The following SH2B2 variants were observed in gnomAD, a reference collection of about 807,000 sequenced individuals.
SH2B2 encodes SH2B adaptor protein 2, also known as SH2B adapter protein 2.
SH2B2 carries 37 observed loss-of-function variants against 35.7 expected under a neutral mutation model. The ratio of observed to expected loss-of-function variants is 1.04; its 90% CI spans 0.80 to 1.36. SH2B2 has a LOEUF of 1.36. Among genes scored for constraint, SH2B2 ranks in the 40% most tolerant of loss-of-function variants. SH2B2 has a pLI of 0.00. For missense variants in SH2B2, 852 were observed against 817.7 expected (o/e 1.04, Z -0.51); for synonymous variants, 383 against 376.4 (o/e 1.02, Z -0.20).
upstream of SH2B2, among the ~76,000 whole-genome samples, chr7:102,285,637 A>G (rs1435898394): frequency 1.3e-5 from 2 of 152,182 alleles, no homozygotes; most frequent in Non-Finnish European, 2.9e-5. Context: ...TTCCATCCCT[A>G]AGAAGGGTTT....
intron 2 of SH2B2, among the ~76,000 whole-genome samples, chr7:102,303,454 C>T (rs1484058279): frequency 3.3e-5 from 5 of 152,286 alleles, no homozygotes; most frequent in African/African-American, 9.6e-5. Flanking sequence ...TTGGCTCTCT[C>T]TCCATCTCTC....
Position 102,320,477 on chromosome 7 carries a change from T to C in SH2B2, c.1542T>C (p.Tyr514=), listed in dbSNP as rs781821533. Residue 514 remains tyrosine, a synonymous_variant, in exon 8 of 9, where the codon TAT becomes TAC. Transcript: ENST00000444095. ...CGGCCGACATCACCCTTCGCAGCTATGTGCGGGCCCAGGACCCCCCACCAG... is the reference window on the plus strand; with the variant it reads ...CGGCCGACATCACCCTTCGCAGCTACGTGCGGGCCCAGGACCCCCCACCAG... ...GGSADITLRS[Y]VRAQDPPPEP... 25 of 1,613,672 alleles carry C rather than the reference T, an allele frequency of 1.5e-5. 1 individual carries two copies. The South Asian group carries it at 2.7e-4, about 18-fold the overall frequency.
intron 6 of SH2B2, among the ~76,000 whole-genome samples, chr7:102,316,784 C>T (rs1017494073): frequency 6.6e-6 from 1 of 151,950 alleles, no homozygotes; most frequent in East Asian, 1.9e-4. Flanking sequence ...TTTGGGAGGC[C>T]GAGGTGGGTG....
chr7:102,298,514 C>T (rs1463681081), intron 1 of SH2B2, among the ~76,000 whole-genome samples: 1 of 152,146 alleles, frequency 6.6e-6, no homozygotes, highest in Admixed American at 6.6e-5. Context: ...GTAGCCTCAA[C>T]CTCCCAGGCT....
chr7:102,313,302 G>T (rs1208589159), intron 4 of SH2B2, among the ~76,000 whole-genome samples: 2 of 150,942 alleles, frequency 1.3e-5, no homozygotes, highest in Non-Finnish European at 2.9e-5. Flanking sequence ...AAAAAAATTA[G>T]CTGGGCATGG....
At chr7:102,309,506 G>A (rs781894646) in intron 4 of SH2B2, 8 of 318,384 alleles carry the variant, frequency 2.5e-5, no homozygotes, top group South Asian at 1.2e-4. Context: ...GATTACAGGC[G>A]CCTACCACCA....
In SH2B2 at chr7:102,300,610, C is replaced by A. The variant is rs1554553409; in HGVS notation, c.60C>A (p.Val20=). The A allele has an allele frequency of 1.9e-6, 3 of 1,551,056 alleles. No individual in the cohort carries two copies. Among genetic ancestry groups the A allele is most frequent in the South Asian group, 2.4e-5 (2 of 84,326 alleles). ...AAAPVPVPVP[V]PDWRQFCELH... is the part of the protein sequence containing the mutation. ...CCCCGGTCCCAGTCCCGGTCCCGGT[C>A]CCGGACTGGCGGCAGTTCTGCGAGC... The change falls in exon 2 of 9, where the codon GTC becomes GTA. Residue 20 remains valine (V), a synonymous_variant. Transcript: ENST00000444095.
Position 102,300,505 on chromosome 7 carries a change from G to A in SH2B2, c.-29-17G>A. On this transcript the variant is annotated splice_polypyrimidine_tract_variant and intron_variant, in intron 1 of 8. Transcript: ENST00000444095. ...ATCACAGGCCTGAAAGTCACTGCGC[G>A]CTCTTCTCGCCCGAAGCCGCAGGTG... 1.3e-6 allele frequency: 2 copies of A among 1,518,368 alleles called. No homozygotes were observed. The highest frequency in any genetic ancestry group is 1.8e-6 in the Non-Finnish European group (2 of 1,136,912). The allele number at this position is 1,518,368 out of a possible 1,614,324, so 94.1% of individuals were successfully genotyped here. A position where few individuals can be genotyped will look rare whatever the true frequency, so the allele number is the denominator to read the frequency against.
intron 1 of SH2B2, among the ~76,000 whole-genome samples, chr7:102,294,414 AACCTTGGCAGC>A (rs1327288067): frequency 3.3e-5 from 5 of 152,088 alleles, no homozygotes; most frequent in Non-Finnish European, 7.4e-5. Context: ...TTGAAACACC[AACCTTGGCAGC>A]ACCAAGGTTG....
At chr7:102,289,860 A>G (rs1225813617) in intron 1 of SH2B2, among the ~76,000 whole-genome samples, 1 of 152,024 alleles carries the variant, frequency 6.6e-6, no homozygotes, top group Non-Finnish European at 1.5e-5. Flanking sequence ...AACCCCAGAA[A>G]GGCAGGGTGG....
chr7:102,321,406 T>C lies in SH2B2; in HGVS notation c.1675T>C (p.Ser559Pro), dbSNP rs1794073737. The C allele has an allele frequency of 1.5e-6, 2 of 1,360,728 alleles. No individual in the cohort carries two copies. The highest frequency in any genetic ancestry group is 3.3e-5 in the East Asian group (1 of 30,260). 84.3% of individuals were successfully genotyped at this position (1,360,728 alleles called of 1,614,324 possible). Residue 559 changes from serine (S) to proline (P), a missense_variant, in exon 9 of 9, where the codon TCG becomes CCG. This residue lies in a region of SH2B2 where 556 missense variants were observed against 514.5 expected (regional missense o/e 1.08). Coordinates refer to ENST00000444095, the MANE Select transcript of SH2B2 (RefSeq NM_001359228.2). ...CGCCGCGGCCGCCTGCCCGCCTGCC[T>C]CGCCCTCCGACGCCGCCGGCGCCTC... ...SLAAAACPPA[S>P]PSDAAGASSS...
Position 102,301,318 on chromosome 7 carries a change from A to G in SH2B2, c.729+39A>G, listed in dbSNP as rs375057269. ...TAATCCCACCTAGCCTGGGGGGACC[A>G]GAGGAGGCACCTGGGCAGCAGCTGA... On this transcript the variant is annotated intron_variant, in intron 2 of 8. Coordinates refer to ENST00000444095, the MANE Select transcript of SH2B2 (RefSeq NM_001359228.2). The G allele has an allele frequency of 6.9e-5, 109 of 1,569,612 alleles. 1 individual carries two copies. The South Asian group carries it at 1.1e-3, about 16-fold the overall frequency.
chr7:102,307,246 A>G (rs1230704583), intron 3 of SH2B2, among the ~76,000 whole-genome samples: 1 of 152,130 alleles, frequency 6.6e-6, no homozygotes, highest in Non-Finnish European at 1.5e-5. Context: ...AAAGGCATCA[A>G]GGGGGGGCGG....
Position 102,321,410 on chromosome 7 carries a change from C to T in SH2B2, c.1679C>T (p.Pro560Leu), listed in dbSNP as rs1386247632. The T allele has an allele frequency of 2.7e-5, 36 of 1,347,304 alleles. No individual in the cohort carries two copies. The East Asian group carries it at 1.1e-3, about 43-fold the overall frequency. 83.5% of individuals were successfully genotyped at this position (1,347,304 alleles called of 1,614,324 possible). ...LAAAACPPASPSDAAGASSSS... is the reference protein window; with the variant it reads ...LAAAACPPASLSDAAGASSSS... ...GCGGCCGCCTGCCCGCCTGCCTCGCCCTCCGACGCCGCCGGCGCCTCCTCG... is the reference window on the plus strand; with the variant it reads ...GCGGCCGCCTGCCCGCCTGCCTCGCTCTCCGACGCCGCCGGCGCCTCCTCG... The change falls in exon 9 of 9, where the codon CCC becomes CTC. Residue 560 changes from proline (P) to leucine (L), a missense_variant. By Grantham distance (98) the Pro-to-Leu change is moderately conservative. Coordinates refer to ENST00000444095, the MANE Select transcript of SH2B2 (RefSeq NM_001359228.2).
chr7:102,300,982 G>A lies in SH2B2; in HGVS notation c.432G>A (p.Val144=), dbSNP rs1554553676. The A allele has an allele frequency of 2.1e-6, 3 of 1,458,004 alleles. No homozygotes were observed. The highest frequency in any genetic ancestry group is 1.8e-6 in the Non-Finnish European group (2 of 1,107,386). 90.3% of individuals were successfully genotyped at this position (1,458,004 alleles called of 1,614,324 possible). A position where few individuals can be genotyped will look rare whatever the true frequency, so the allele number is the denominator to read the frequency against. Residue 144 remains valine (V), a synonymous_variant, in exon 2 of 9, where the codon GTG becomes GTA. Transcript: ENST00000444095. Reference sequence around the variant, plus strand: ...CGCTGCGCAACATGAGCCTGTGCGTGGTGGACGGCGTGCGCGACATGTGGC... The same window carrying A: ...CGCTGCGCAACATGAGCCTGTGCGTAGTGGACGGCGTGCGCGACATGTGGC... ...GFSLRNMSLC[V]VDGVRDMWHR...
At chr7:102,313,794 C>A (rs1190472384) in intron 4 of SH2B2, among the ~76,000 whole-genome samples, 1 of 151,778 alleles carries the variant, frequency 6.6e-6, no homozygotes, top group Admixed American at 6.6e-5. Context: ...TGCCTGTAAT[C>A]CCAGCTACTC....
intron 4 of SH2B2, among the ~76,000 whole-genome samples, chr7:102,310,537 C>T (rs1793579803): frequency 6.6e-6 from 1 of 152,114 alleles, no homozygotes; most frequent in African/African-American, 2.4e-5. Flanking sequence ...CTCCACCATC[C>T]AGGAGAGATG....
chr7:102,293,115 G>A, intron 1 of SH2B2: 1 of 154,682 alleles, frequency 6.5e-6, no homozygotes. Flanking sequence ...TAGGCGGGGC[G>A]GCGAGTCCGA....
chr7:102,295,992 C>T (rs191275561), intron 1 of SH2B2, among the ~76,000 whole-genome samples: 22 of 152,270 alleles, frequency 1.4e-4, no homozygotes, highest in East Asian at 9.6e-4. Context: ...TGAAGCCCAA[C>T]GCAATAACCA....
Sources: allele counts gnomAD v4.1 joint callset (sites outside exome capture counted in the v4.1 genomes callset), GRCh38; gene constraint gnomAD v4.1.1; regional missense constraint gnomAD v4.1.1; transcripts MANE v1.5; gene names NCBI Gene and HGNC (gene_info 2026-07-23, HGNC 2026-07-21).